LPIN2: variants seen among roughly 807,000 people sequenced by gnomAD.
LPIN2 encodes phosphatidate phosphatase LPIN2.
LPIN2 carries 55 observed loss-of-function variants against 111.4 expected under a neutral mutation model. That is an observed-to-expected ratio of 0.49 (90% CI 0.40 to 0.62). The LOEUF (loss-of-function observed/expected upper bound fraction) is 0.62. Ranked by LOEUF, LPIN2 falls within the 20% of genes least tolerant of loss-of-function variation. LPIN2 has a pLI of 0.00. For synonymous variants in LPIN2, 425 were observed against 414.0 expected, an observed-to-expected ratio of 1.03 and a Z score of -0.32; for missense variants, 992 against 1,112.1, an observed-to-expected ratio of 0.89 and a Z score of 1.54.
At chr18:2,927,335 TG>T (rs2077148691) in intron 12 of LPIN2, among the ~76,000 whole-genome samples, 2 of 152,240 alleles carry the variant, frequency 1.3e-5, no homozygotes, top group Non-Finnish European at 1.5e-5. Flanking sequence ...GAACAGATTC[TG>T]GTTATTTGCA....
intron 1 of LPIN2, among the ~76,000 whole-genome samples, chr18:3,005,428 A>G (rs1298499930): frequency 1.3e-5 from 2 of 152,126 alleles, no homozygotes; most frequent in African/African-American, 4.8e-5. Flanking sequence ...TAACCCCCTC[A>G]GCACTTTGGG....
chr18:2,955,767 C>A (rs896344457), intron 2 of LPIN2, among the ~76,000 whole-genome samples: 16 of 151,898 alleles, frequency 1.1e-4, no homozygotes, highest in Admixed American at 5.9e-4. Flanking sequence ...AATACAAAAT[C>A]GGCTGGGCAT....
chr18:2,981,515 A>C (rs59302194), intron 1 of LPIN2, among the ~76,000 whole-genome samples: 1 of 152,112 alleles, frequency 6.6e-6, no homozygotes, highest in Non-Finnish European at 1.5e-5. Flanking sequence ...GGGAGAGTTT[A>C]TGTGTGTTAG....
At chr18:2,951,808 G>A (rs2077541705) in intron 3 of LPIN2, among the ~76,000 whole-genome samples, 1 of 152,234 alleles carries the variant, frequency 6.6e-6, no homozygotes, top group African/African-American at 2.4e-5. Flanking sequence ...AGCAGGACAG[G>A]TGAGTGACGC....
Position 2,930,495 on chromosome 18 carries a change from T to C in LPIN2, c.1456+761A>G, listed in dbSNP as rs78655875. 5.3e-3 allele frequency among the ~76,000 whole-genome samples: 807 copies of C among 152,326 alleles called. 11 individuals carry two copies. The highest frequency in any genetic ancestry group is 0.018 in the African/African-American group (756 of 41,580). On this transcript the variant is annotated intron_variant, in intron 9 of 19. Transcript: ENST00000677752. ...ACACATGGTCCTGAGCCTCTGGCCATGCAGTCTGCCACATCACACCTTCAG... is the reference window on the plus strand; with the variant it reads ...ACACATGGTCCTGAGCCTCTGGCCACGCAGTCTGCCACATCACACCTTCAG...
chr18:3,004,482 A>G (rs1350710825), intron 1 of LPIN2, among the ~76,000 whole-genome samples: 1 of 152,200 alleles, frequency 6.6e-6, no homozygotes, highest in East Asian at 1.9e-4. Flanking sequence ...TTCCCCCGAT[A>G]CTGAACAGAA....
intron 1 of LPIN2, among the ~76,000 whole-genome samples, chr18:3,002,903 C>T (rs1007667874): frequency 2.0e-5 from 3 of 152,230 alleles, no homozygotes; most frequent in Non-Finnish European, 4.4e-5. Flanking sequence ...CTTGATTCCT[C>T]TATGACACTA....
chr18:2,949,790 A>G (rs1321577004), intron 4 of LPIN2, among the ~76,000 whole-genome samples: 1 of 152,216 alleles, frequency 6.6e-6, no homozygotes, highest in African/African-American at 2.4e-5. Context: ...ATTATAATAT[A>G]CTAATACTAC....
At chr18:2,950,909 C>G (rs2077525175) in intron 4 of LPIN2, 146 bp downstream of exon 4, 8 of 809,484 alleles carry the variant, frequency 9.9e-6, no homozygotes, top group African/African-American at 3.4e-5. Flanking sequence ...AAGAAACTGC[C>G]TTTGCTGCTT....
At chr18:2,985,489 A>T (rs1192274386) in intron 1 of LPIN2, 2 of 118,940 alleles carry the variant, frequency 1.7e-5, no homozygotes, top group Non-Finnish European at 3.8e-5. Flanking sequence ...CTTTTTCCCA[A>T]GACTTAACTC....
intron 7 of LPIN2, 106 bp downstream of exon 7, chr18:2,937,586 G>A (rs546509999): frequency 2.4e-4 from 173 of 712,872 alleles, no homozygotes; most frequent in South Asian, 1.4e-3. Context: ...GACGGGTTTC[G>A]ACTGGTGAAT....
At chr18:3,012,493 G>A (rs2078621502) in intron 1 of LPIN2, among the ~76,000 whole-genome samples, 1 of 86,454 alleles carries the variant, frequency 1.2e-5, no homozygotes, top group East Asian at 2.1e-3. Context: ...TGCACCGGGG[G>A]CTGGGGGGCT....
intron 1 of LPIN2, chr18:2,982,586 G>T: frequency 2.1e-6 from 1 of 486,550 alleles, no homozygotes; most frequent in Non-Finnish European, 3.6e-6. Context: ...TTCTTTTGGT[G>T]GATGCCATCC....
chr18:3,002,087 TG>T (rs1219756903), intron 1 of LPIN2, among the ~76,000 whole-genome samples: 3 of 152,114 alleles, frequency 2.0e-5, no homozygotes, highest in Non-Finnish European at 2.9e-5. Flanking sequence ...TTAATTCACT[TG>T]GGACAGGGAG....
chr18:2,968,885 G>A, intron 1 of LPIN2, among the ~76,000 whole-genome samples: 1 of 152,196 alleles, frequency 6.6e-6, no homozygotes, highest in East Asian at 1.9e-4. Context: ...GCTAAAGGCA[G>A]AGAGACTACT....
chr18:2,920,909 T>G (rs763732901), intron 18 of LPIN2, 28 bp from the exon 19 acceptor site: 10 of 1,480,918 alleles, frequency 6.8e-6, no homozygotes, highest in Non-Finnish European at 9.4e-6. Flanking sequence ...AAGCGGGTGA[T>G]TCCAGGGAGG....
intron 1 of LPIN2, among the ~76,000 whole-genome samples, chr18:3,007,699 C>T (rs778996593): frequency 5.3e-5 from 8 of 152,160 alleles, no homozygotes; most frequent in Non-Finnish European, 1.0e-4. Context: ...AGTTTATAGA[C>T]TCAACTGTGA....
At chr18:3,006,793 C>T (rs7231257) in intron 1 of LPIN2, among the ~76,000 whole-genome samples, 72,509 of 150,808 alleles carry the variant, frequency 0.48, 19,126 homozygotes, top group African/African-American at 0.72. Flanking sequence ...GCAGAGATCG[C>T]GCCGCTGCAC....
At chr18:2,949,412 A>T (rs1233259725) in intron 4 of LPIN2, among the ~76,000 whole-genome samples, 3 of 152,236 alleles carry the variant, frequency 2.0e-5, no homozygotes, top group Non-Finnish European at 4.4e-5. Flanking sequence ...AAATTTTGTA[A>T]ATATAGTGTA....
Sources: gnomAD v4.1 joint callset for allele counts (sites outside exome capture counted in the v4.1 genomes callset) on GRCh38, gnomAD v4.1.1 for gene constraint, MANE v1.5 for transcripts, NCBI Gene and HGNC (gene_info 2026-07-23, HGNC 2026-07-21) for gene names.